SORCS3: variants seen among roughly 807,000 people sequenced by gnomAD.
SORCS3 encodes the protein sortilin related VPS10 domain containing receptor 3.
SORCS3 carries 57 observed loss-of-function variants against 146.3 expected under a neutral mutation model. The ratio of observed to expected loss-of-function variants is 0.39; its 90% CI spans 0.31 to 0.49. SORCS3 has a LOEUF of 0.49. Among genes scored for constraint, SORCS3 ranks in the 20% least tolerant of loss-of-function variants. SORCS3 has a pLI of 0.92. For synonymous variants in SORCS3, 653 were observed against 618.5 expected (o/e 1.06, Z -0.83); for missense variants, 1,341 against 1,575.5 (o/e 0.85, Z 2.52).
chr10:104,730,076 A>C (rs1206420532), intron 1 of SORCS3, among the ~76,000 whole-genome samples: 1 of 152,168 alleles, frequency 6.6e-6, no homozygotes, highest in African/African-American at 2.4e-5. Context: ...TGTCCCTGCT[A>C]TTGGGAATGA....
intron 1 of SORCS3, among the ~76,000 whole-genome samples, chr10:104,788,884 T>G (rs1589499578): frequency 2.6e-5 from 4 of 152,340 alleles, no homozygotes; most frequent in Admixed American, 2.0e-4. Context: ...TTTATGGGGA[T>G]GAATTGAGTA....
chr10:104,735,459 T>TTTTTTTTTTTTTTTG (rs2016758722), intron 1 of SORCS3, among the ~76,000 whole-genome samples: 1 of 132,902 alleles, frequency 7.5e-6, no homozygotes, highest in Non-Finnish European at 1.6e-5. Flanking sequence ...ACCGTCTGTT[T>TTTTTTTTTTTTTTTG]TTTTTTTTTT....
At position 104,992,875 on chromosome 10, in the gene SORCS3, C is replaced by A. The variant is rs551792376; in HGVS notation, c.954+15382C>A. On this transcript the variant is annotated intron_variant, in intron 4 of 26. Coordinates refer to ENST00000369701, the MANE Select transcript of SORCS3 (RefSeq NM_014978.3). ...TTTTTAAGAAACGTCTAGAAAGAAA[C>A]CTTTTTTGTTTAATGGTTTTACATT... Among the ~76,000 whole-genome samples, 5 of 152,010 alleles carry A rather than the reference C, an allele frequency of 3.3e-5. No individual in the cohort carries two copies. In the South Asian group the frequency reaches 1.0e-3, roughly 32 times the overall value.
intron 3 of SORCS3, among the ~76,000 whole-genome samples, chr10:104,948,219 A>G (rs769086455): frequency 8.5e-5 from 13 of 152,098 alleles, no homozygotes; most frequent in Non-Finnish European, 1.5e-4. Context: ...AGGGAGCATT[A>G]CCTATGCTTG....
chr10:104,652,673 AT>A (rs34826906), intron 1 of SORCS3, among the ~76,000 whole-genome samples: 1 of 152,164 alleles, frequency 6.6e-6, no homozygotes, highest in African/African-American at 2.4e-5. Flanking sequence ...GTGTTGTACA[AT>A]TTTTTTCAAG....
intron 2 of SORCS3, 132 bp downstream of exon 2, chr10:104,842,991 C>T: frequency 1.4e-6 from 1 of 703,690 alleles, no homozygotes; most frequent in Non-Finnish European, 2.5e-6. Context: ...TGTTAATGCT[C>T]TGGGTGGAAC....
intron 5 of SORCS3, among the ~76,000 whole-genome samples, chr10:105,058,425 T>C (rs1450659803): frequency 6.6e-6 from 1 of 152,180 alleles, no homozygotes; most frequent in Non-Finnish European, 1.5e-5. Flanking sequence ...GACAGTGAAA[T>C]AGAACAAATG....
chr10:105,157,894 G>A (rs1172147974), intron 10 of SORCS3, among the ~76,000 whole-genome samples: 1 of 152,202 alleles, frequency 6.6e-6, no homozygotes, highest in Admixed American at 6.5e-5. Flanking sequence ...AAGGACTGCT[G>A]TAAGAAACAA....
intron 1 of SORCS3, among the ~76,000 whole-genome samples, chr10:104,745,949 A>G (rs376251031): frequency 4.2e-4 from 64 of 152,260 alleles, no homozygotes; most frequent in African/African-American, 1.3e-3. Context: ...CATTGGATGC[A>G]TATACCACAT....
At chr10:105,159,094 A>G in intron 11 of SORCS3, 100 bp downstream of exon 11, 1 of 796,670 alleles carries the variant, frequency 1.3e-6, no homozygotes. Flanking sequence ...ATCAGATGAA[A>G]GCTGTGAGCA....
At chr10:105,253,896 T>C (rs2056915304) in intron 23 of SORCS3, among the ~76,000 whole-genome samples, 1 of 152,252 alleles carries the variant, frequency 6.6e-6, no homozygotes, top group African/African-American at 2.4e-5. Context: ...ACAAGACCTC[T>C]TTATTCTGAA....
chr10:104,999,529 A>G (rs1372894998), intron 4 of SORCS3, among the ~76,000 whole-genome samples: 1 of 152,186 alleles, frequency 6.6e-6, no homozygotes, highest in Non-Finnish European at 1.5e-5. Context: ...TCTGAAATCC[A>G]TAAGCAAGTC....
chr10:104,766,849 C>T (rs1169004931), intron 1 of SORCS3, among the ~76,000 whole-genome samples: 1 of 152,204 alleles, frequency 6.6e-6, no homozygotes, highest in African/African-American at 2.4e-5. Flanking sequence ...AAAATGGCAA[C>T]TTCCTTTCTG....
chr10:104,986,479 T>C (rs920370001), intron 4 of SORCS3, among the ~76,000 whole-genome samples: 8 of 152,214 alleles, frequency 5.3e-5, no homozygotes, highest in African/African-American at 1.7e-4. Flanking sequence ...GAGTAGGACT[T>C]GTAATTTCCT....
At chr10:104,758,041 A>C (rs953330629) in intron 1 of SORCS3, among the ~76,000 whole-genome samples, 4 of 152,186 alleles carry the variant, frequency 2.6e-5, no homozygotes, top group Admixed American at 6.5e-5. Flanking sequence ...CCCTGGAAAT[A>C]ATTGCTTCTT....
At chr10:104,896,654 G>A (rs377400140) in intron 2 of SORCS3, among the ~76,000 whole-genome samples, 1 of 152,234 alleles carries the variant, frequency 6.6e-6, no homozygotes, top group Admixed American at 6.5e-5. Flanking sequence ...TCTTGTTTAT[G>A]TACTGCTTAT....
chr10:104,887,216 G>A (rs7912102), intron 2 of SORCS3, among the ~76,000 whole-genome samples: 55,954 of 152,080 alleles, frequency 0.37, 13,388 homozygotes, highest in African/African-American at 0.68. Context: ...ATAAAAAATG[G>A]TAATTGTGGA....
At chr10:105,105,626 A>T (rs1461435474) in intron 7 of SORCS3, 111 bp downstream of exon 7, 6 of 755,176 alleles carry the variant, frequency 7.9e-6, no homozygotes, top group Non-Finnish European at 1.4e-5. Flanking sequence ...GAGTTGAGAC[A>T]CTGTCCCTCC....
intron 5 of SORCS3, among the ~76,000 whole-genome samples, chr10:105,069,521 A>G (rs2055544001): frequency 1.3e-5 from 2 of 152,180 alleles, no homozygotes; most frequent in Admixed American, 6.5e-5. Flanking sequence ...ATTATTAACC[A>G]TGCCTAGGGA....
Sources: gnomAD v4.1 joint callset for allele counts (sites outside exome capture counted in the v4.1 genomes callset) on GRCh38, gnomAD v4.1.1 for gene constraint, MANE v1.5 for transcripts, NCBI Gene and HGNC (gene_info 2026-07-23, HGNC 2026-07-21) for gene names.